WDR27: variants seen among roughly 807,000 people sequenced by gnomAD.
WDR27 encodes the protein WD repeat domain 27, also known as WD repeat-containing protein 27.
A neutral mutation model predicts 114.4 loss-of-function variants in WDR27; 100 were observed. The ratio of observed to expected loss-of-function variants is 0.87; its 90% CI spans 0.74 to 1.03. The LOEUF is 1.03. Ranked by LOEUF, WDR27 falls within the 50% of genes least tolerant of loss-of-function variation. WDR27 has a pLI of 0.00. For synonymous variants in WDR27, 449 were observed against 423.1 expected (o/e 1.06, Z -0.75); for missense variants, 1,129 against 1,092.9 (o/e 1.03, Z -0.47).
At chr6:169,548,648 A>T (rs191681437) in intron 25 of WDR27, among the ~76,000 whole-genome samples, 1 of 152,336 alleles carries the variant, frequency 6.6e-6, no homozygotes, top group East Asian at 1.9e-4. Context: ...CTACTTCAAG[A>T]CTTACTATGA....
chr6:169,662,503 A>G (rs369659091), intron 8 of WDR27, 79 bp from the exon 9 acceptor site: 53 of 1,545,282 alleles, frequency 3.4e-5, no homozygotes, highest in African/African-American at 3.1e-4. Context: ...ACTGCCACAC[A>G]GAGATGCTGC....
chr6:169,505,038 G>A (rs1045936035), intron 25 of WDR27, among the ~76,000 whole-genome samples: 2 of 152,136 alleles, frequency 1.3e-5, no homozygotes, highest in African/African-American at 4.8e-5. Flanking sequence ...AATCTAGCAA[G>A]AAAGACAATA....
At chr6:169,583,724 G>A (rs1350539002) in intron 23 of WDR27, among the ~76,000 whole-genome samples, 1 of 119,982 alleles carries the variant, frequency 8.3e-6, no homozygotes, top group African/African-American at 3.2e-5. Flanking sequence ...GCAGCAGGAG[G>A]AAGGTGTCAA....
chr6:169,626,449 G>A (rs905359088), intron 21 of WDR27, among the ~76,000 whole-genome samples: 3 of 152,132 alleles, frequency 2.0e-5, no homozygotes, highest in Admixed American at 6.5e-5. Context: ...CACAGTGGGC[G>A]GTGGGGGGTC....
chr6:169,440,733 T>C, the WDR27 span, among the ~76,000 whole-genome samples: 1 of 152,212 alleles, frequency 6.6e-6, no homozygotes, highest in East Asian at 1.9e-4. Flanking sequence ...AATTCTTAAG[T>C]CCACCTGTTG....
rs1279272741 is a variant in WDR27, at chr6:169,638,702, A to C, written c.1748-42T>G. 9 of 1,564,104 alleles carry C rather than the reference A, an allele frequency of 5.8e-6. No individual in the cohort carries two copies. In the East Asian group the frequency reaches 2.1e-4, roughly 37 times the overall value. On this transcript the variant is annotated intron_variant, in intron 17 of 25. Transcript: ENST00000448612. ...CAGAAGGTTACTATTTCTACTATTAATATCAGTTTTGACTGAGTGCTACTT... is the reference window on the plus strand; with the variant it reads ...CAGAAGGTTACTATTTCTACTATTACTATCAGTTTTGACTGAGTGCTACTT...
rs1038630452 is a variant in WDR27, at chr6:169,554,550, G to T, written c.2645+17869C>A. 1.2e-4 allele frequency among the ~76,000 whole-genome samples: 18 copies of T among 152,274 alleles called. No individual in the cohort carries two copies. In the South Asian group the frequency reaches 1.2e-3, roughly 11 times the overall value. On this transcript the variant is annotated intron_variant, in intron 25 of 25. Coordinates refer to ENST00000448612, the MANE Select transcript of WDR27 (RefSeq NM_182552.5). ...AACCAAATCAAAATATTGAAGTAGG[G>T]TGCATCCTTAAAAATATAAGCATTT...
At chr6:169,470,504 T>A (rs1461913192) in intron 25 of WDR27, among the ~76,000 whole-genome samples, 1 of 152,176 alleles carries the variant, frequency 6.6e-6, no homozygotes. Flanking sequence ...AAATAGAAAT[T>A]ATCATTTGCA....
chr6:169,695,748 G>T (rs1785748583), intron 1 of WDR27, among the ~76,000 whole-genome samples: 1 of 152,156 alleles, frequency 6.6e-6, no homozygotes, highest in Admixed American at 6.5e-5. Flanking sequence ...GGGAATTGAG[G>T]TTACTAATCA....
the WDR27 span, among the ~76,000 whole-genome samples, chr6:169,433,387 A>G: frequency 3.3e-5 from 5 of 152,220 alleles, no homozygotes; most frequent in African/African-American, 1.2e-4. Context: ...GATGGTTTCC[A>G]GCTTCATCCA....
At chr6:169,594,268 T>C (rs1806345962) in intron 23 of WDR27, among the ~76,000 whole-genome samples, 4 of 152,236 alleles carry the variant, frequency 2.6e-5, no homozygotes, top group Admixed American at 2.6e-4. Context: ...TGTACTTTGA[T>C]TGCATTATAG....
intron 25 of WDR27, among the ~76,000 whole-genome samples, chr6:169,495,165 A>G (rs3006173): frequency 0.44 from 67,103 of 152,018 alleles, 18,632 homozygotes; most frequent in Non-Finnish European, 0.63. Context: ...ATACATAGAA[A>G]GATAGCAACA....
chr6:169,587,214 CTTTTT>C, intron 23 of WDR27, among the ~76,000 whole-genome samples: 1 of 115,688 alleles, frequency 8.6e-6, no homozygotes, highest in South Asian at 3.0e-4. Flanking sequence ...CAAGGATTTT[CTTTTT>C]TTTTTTTTTT....
chr6:169,541,471 C>T (rs903188902), intron 25 of WDR27, among the ~76,000 whole-genome samples: 3 of 152,196 alleles, frequency 2.0e-5, no homozygotes, highest in Admixed American at 1.3e-4. Context: ...AGGGCAGCAC[C>T]GCTGTCAGAC....
intron 25 of WDR27, among the ~76,000 whole-genome samples, chr6:169,502,539 T>A (rs1187629788): frequency 6.6e-6 from 1 of 152,190 alleles, no homozygotes; most frequent in African/African-American, 2.4e-5. Flanking sequence ...AAGGGCTGGT[T>A]CCCTCTGGAG....
chr6:169,457,813 T>A (rs1366953521), intron 25 of WDR27, among the ~76,000 whole-genome samples, 179 bp from the exon 26 acceptor site: 3 of 152,216 alleles, frequency 2.0e-5, no homozygotes, highest in Non-Finnish European at 4.4e-5. Context: ...GATGATTAAT[T>A]AATTCAAACT....
chr6:169,482,262 T>C (rs1430887006), intron 25 of WDR27, among the ~76,000 whole-genome samples: 1 of 152,240 alleles, frequency 6.6e-6, no homozygotes, highest in Non-Finnish European at 1.5e-5. Context: ...TGAACATACA[T>C]GTGCATGAGT....
In WDR27 at chr6:169,668,104, A is replaced by C. The variant is rs1010166215; in HGVS notation, c.538T>G (p.Phe180Val). ...GCCCGAACAGCCTGAGTCTGAGAGA[A>C]TGTGTGCAGGAAGGTCGGTGGTGGG... ...KVPPPTFLHT[F>V]SQTQAVRAEL... The change falls in exon 5 of 26, where the codon TTC becomes GTC. Residue 180 changes from phenylalanine to valine, a missense_variant. Coordinates refer to ENST00000448612, the MANE Select transcript of WDR27 (RefSeq NM_182552.5). 4 of 1,613,902 alleles carry C rather than the reference A, an allele frequency of 2.5e-6. No individual in the cohort carries two copies. Among genetic ancestry groups the C allele is most frequent in the African/African-American group, 2.7e-5 (2 of 74,934 alleles).
chr6:169,583,921 G>A (rs1051913915), intron 23 of WDR27, among the ~76,000 whole-genome samples: 1 of 152,110 alleles, frequency 6.6e-6, no homozygotes, highest in Non-Finnish European at 1.5e-5. Context: ...TTTGTGACAA[G>A]AACAGCTAAA....
Sources: allele counts gnomAD v4.1 joint callset (sites outside exome capture counted in the v4.1 genomes callset), GRCh38; gene constraint gnomAD v4.1.1; transcripts MANE v1.5; gene names NCBI Gene and HGNC (gene_info 2026-07-23, HGNC 2026-07-21).